Variants in RORA observed in about 807,000 individuals in gnomAD.
RORA encodes RAR related orphan receptor A.
Under a neutral mutation model 69.5 loss-of-function variants are expected in RORA, and 7 were observed. The observed-to-expected ratio is 0.10, with a 90% confidence interval of 0.06 to 0.19. RORA has a LOEUF of 0.19. Ranked by LOEUF, RORA falls within the 10% of genes least tolerant of loss-of-function variation. The pLI, the probability that RORA is intolerant of heterozygous loss-of-function variation, is 1.00. For synonymous variants in RORA, 261 were observed against 240.8 expected, an observed-to-expected ratio of 1.08 and a Z score of -0.78; for missense variants, 457 against 663.0, an observed-to-expected ratio of 0.69 and a Z score of 3.41.
At chr15:60,644,857 C>T (rs73426206) in intron 2 of RORA, among the ~76,000 whole-genome samples, 7,214 of 152,140 alleles carry the variant, frequency 0.047, 387 homozygotes, top group African/African-American at 0.13. Flanking sequence ...TCTCTCCTTG[C>T]GGGGGCCAAT....
At chr15:61,146,450 A>T (rs1828530816) in intron 1 of RORA, among the ~76,000 whole-genome samples, 2 of 89,170 alleles carry the variant, frequency 2.2e-5, no homozygotes, top group Non-Finnish European at 5.7e-5. Context: ...CCCCCAACAC[A>T]CATACACATA....
intron 1 of RORA, among the ~76,000 whole-genome samples, chr15:60,688,595 G>T (rs2070780131): frequency 6.6e-6 from 1 of 152,184 alleles, no homozygotes; most frequent in African/African-American, 2.4e-5. Flanking sequence ...AGAACCCTAT[G>T]TGAAGTCTGA....
At chr15:60,558,217 T>G in intron 2 of RORA, 1 of 1,599,280 alleles carries the variant, frequency 6.3e-7, no homozygotes, top group Non-Finnish European at 8.6e-7. Context: ...GCCTTTGGAT[T>G]CACTTACACA....
At chr15:60,888,011 T>C (rs952069460) in intron 1 of RORA, among the ~76,000 whole-genome samples, 1 of 152,226 alleles carries the variant, frequency 6.6e-6, no homozygotes, top group East Asian at 1.9e-4. Context: ...TAGCTCCAGC[T>C]AACCCAGCCA....
At chr15:60,515,953 ATATT>A (rs1175326295) in intron 3 of RORA, among the ~76,000 whole-genome samples, 244 of 12,540 alleles carry the variant, frequency 0.019, 28 homozygotes, top group African/African-American at 0.058. Flanking sequence ...ATATATTTAT[ATATT>A]TATATTTATA....
At chr15:60,505,669 G>C (rs1225955396) in intron 5 of RORA, 40 bp from the exon 6 acceptor site, 2 of 1,605,928 alleles carry the variant, frequency 1.2e-6, no homozygotes, top group East Asian at 2.2e-5. Flanking sequence ...GAAAAGCGAA[G>C]TTCTTTGAAT....
chr15:60,659,263 A>C (rs1157485586), intron 2 of RORA, among the ~76,000 whole-genome samples: 1 of 152,224 alleles, frequency 6.6e-6, no homozygotes, highest in African/African-American at 2.4e-5. Flanking sequence ...GATAGAGTGG[A>C]AAAGGGTACT....
chr15:61,118,803 C>T (rs2140807668), intron 1 of RORA, among the ~76,000 whole-genome samples: 1 of 151,938 alleles, frequency 6.6e-6, no homozygotes, highest in African/African-American at 2.4e-5. Context: ...AAATAAAATC[C>T]ACATTTAAAA....
intron 1 of RORA, among the ~76,000 whole-genome samples, chr15:60,721,406 A>T (rs182626645): frequency 3.9e-5 from 6 of 152,268 alleles, no homozygotes; most frequent in Admixed American, 3.9e-4. Context: ...ATAGCCAAGC[A>T]CCTCCCTGAG....
intron 1 of RORA, among the ~76,000 whole-genome samples, chr15:60,752,068 G>A (rs984109233): frequency 2.0e-5 from 3 of 151,938 alleles, no homozygotes; most frequent in Admixed American, 2.0e-4. Flanking sequence ...TCCGAGCTAG[G>A]CTGAGTCTTC....
chr15:60,519,330 T>C lies in RORA; in HGVS notation c.283-4573A>G, dbSNP rs767678087. ...CATTCACTTGTGACAAGGGCAATAT[T>C]GGGCAAATCCTATCATTCCCCTGGT... is the stretch of plus-strand genomic sequence containing the variant. On this transcript the variant is annotated intron_variant, in intron 3 of 10. Coordinates refer to ENST00000335670, the MANE Select transcript of RORA (RefSeq NM_134261.3). Among the ~76,000 whole-genome samples, 31 of 152,328 alleles carry C rather than the reference T, an allele frequency of 2.0e-4. 1 individual carries two copies. The highest frequency in any genetic ancestry group is 4.0e-4 in the Non-Finnish European group (27 of 68,030).
chr15:61,174,392 T>C (rs771357909), intron 1 of RORA, among the ~76,000 whole-genome samples: 9 of 152,336 alleles, frequency 5.9e-5, no homozygotes, highest in Admixed American at 5.9e-4. Flanking sequence ...CCACTGGCCA[T>C]AGAAAATTCT....
At chr15:60,670,201 C>CTTTTTTTTT (rs60799050) in intron 2 of RORA, among the ~76,000 whole-genome samples, 1 of 126,108 alleles carries the variant, frequency 7.9e-6, no homozygotes. Flanking sequence ...TATCCTACCT[C>CTTTTTTTTT]TTTTTTTTTT....
At position 60,915,860 on chromosome 15, in the gene RORA, A is replaced by G. The variant is rs1891858388; in HGVS notation, c.167-237174T>C. Among the ~76,000 whole-genome samples the G allele has an allele frequency of 2.6e-5, 4 of 152,186 alleles. No homozygotes were observed. The South Asian group carries it at 6.2e-4, about 24-fold the overall frequency. ...CTCAGTTTCTTCTTCTATAAAATGG[A>G]GATAATAATGGCTTCCGCATGAATT... On this transcript the variant is annotated intron_variant, in intron 1 of 10. Coordinates refer to ENST00000335670, the MANE Select transcript of RORA (RefSeq NM_134261.3).
chr15:60,508,019 C>T (rs2065568846), intron 5 of RORA, among the ~76,000 whole-genome samples: 1 of 152,162 alleles, frequency 6.6e-6, no homozygotes. Context: ...ACCATCTGCT[C>T]ACCAACAGCC....
chr15:61,207,028 T>C (rs2079948171), intron 1 of RORA, among the ~76,000 whole-genome samples: 1 of 152,190 alleles, frequency 6.6e-6, no homozygotes, highest in Non-Finnish European at 1.5e-5. Flanking sequence ...CTGGCTTTCG[T>C]AGGCCTCATC....
chr15:60,720,920 C>G (rs934017688), intron 1 of RORA, among the ~76,000 whole-genome samples: 12 of 152,060 alleles, frequency 7.9e-5, no homozygotes, highest in Middle Eastern at 3.2e-3. Context: ...TAACCAAAAC[C>G]CCCAGCCAGC....
intron 2 of RORA, among the ~76,000 whole-genome samples, chr15:60,567,520 C>T (rs35147270): frequency 0.021 from 3,165 of 152,024 alleles, 103 homozygotes; most frequent in East Asian, 0.071. Context: ...AAGTGATTCT[C>T]CTGCCTCAGC....
intron 1 of RORA, among the ~76,000 whole-genome samples, chr15:61,064,776 C>T (rs1449690413): frequency 6.6e-6 from 1 of 152,038 alleles, no homozygotes; most frequent in African/African-American, 2.4e-5. Flanking sequence ...CTGCCCAATC[C>T]CCCCATCCCC....
Sources: gnomAD v4.1 joint callset for allele counts (sites outside exome capture counted in the v4.1 genomes callset) on GRCh38, gnomAD v4.1.1 for gene constraint, MANE v1.5 for transcripts, NCBI Gene and HGNC (gene_info 2026-07-23, HGNC 2026-07-21) for gene names.